The following RP1 variants were observed in gnomAD, a reference collection of about 807,000 sequenced individuals.
RP1 encodes the protein RP1 axonemal microtubule associated, also known as oxygen-regulated protein 1.
A neutral mutation model predicts 14.8 loss-of-function variants in RP1; 16 were observed. The observed-to-expected ratio is 1.08, with a 90% CI of 0.73 to 1.65. RP1 has a LOEUF of 1.65. RP1 is among the 40% of genes most tolerant of loss of function. The pLI, the probability that RP1 is intolerant of heterozygous loss-of-function variation, is 0.00. For synonymous variants in RP1, 876 were observed against 883.6 expected, an observed-to-expected ratio of 0.99 and a Z score of 0.15; for missense variants, 2,631 against 2,535.0, an observed-to-expected ratio of 1.04 and a Z score of -0.81.
rs104894082 is a variant in RP1, at chr8:54,625,911, C to T, written c.2029C>T (p.Arg677Ter). Residue 677 changes from arginine to a stop codon, truncating the protein, a stop_gained, in exon 4 of 4, where the codon CGA becomes TGA. Transcript: ENST00000220676. LOFTEE classifies it low-confidence loss of function (END_TRUNC). ...SVASKKKKKS[R>*]QQAINSRYQD... ...TGCCAGCAAAAAGAAGAAAAAATCTCGACAGCAAGCAATAAATTCCAGGTA... is the reference window on the plus strand; with the variant it reads ...TGCCAGCAAAAAGAAGAAAAAATCTTGACAGCAAGCAATAAATTCCAGGTA... The T allele has an allele frequency of 4.3e-6, 7 of 1,613,730 alleles. No individual in the cohort carries two copies. The highest frequency in any genetic ancestry group is 5.9e-6 in the Non-Finnish European group (7 of 1,179,906).
At chr8:54,690,506 G>C (rs766984028) in intron 12 of RP1, among the ~76,000 whole-genome samples, 4 of 151,882 alleles carry the variant, frequency 2.6e-5, no homozygotes, top group Non-Finnish European at 5.9e-5. Context: ...CTCTAAATTG[G>C]GTATTGTCTG....
At chr8:54,858,609 G>T (rs555142379) in intron 27 of RP1, among the ~76,000 whole-genome samples, 1 of 152,138 alleles carries the variant, frequency 6.6e-6, no homozygotes, top group East Asian at 1.9e-4. Context: ...ACTGCAGAGT[G>T]CTGTGACTGT....
intron 1 of RP1, among the ~76,000 whole-genome samples, chr8:54,569,374 G>T (rs989803154): frequency 2.6e-5 from 4 of 152,168 alleles, no homozygotes; most frequent in African/African-American, 9.7e-5. Context: ...ATTTGATTTT[G>T]GTTCCTCATT....
In RP1 at chr8:54,755,065, A is replaced by G. The variant is rs868319046; in HGVS notation, c.2941+130A>G. On this transcript the variant is annotated intron_variant, in intron 20 of 22. Transcript: ENST00000636932. ...TAAGAGAGTTGTTTTACTCTTGAGAAGTGACTTTTTTAATGTCACAGCATG... is the reference window on the plus strand; with the variant it reads ...TAAGAGAGTTGTTTTACTCTTGAGAGGTGACTTTTTTAATGTCACAGCATG... 15 of 1,022,044 alleles carry G rather than the reference A, an allele frequency of 1.5e-5. No individual in the cohort carries two copies. In the Middle Eastern group the frequency reaches 1.9e-3, roughly 128 times the overall value. 63.3% of individuals were successfully genotyped at this position (1,022,044 alleles called of 1,614,324 possible). A position where few individuals can be genotyped will look rare whatever the true frequency, so the allele number is the denominator to read the frequency against.
intron 3 of RP1, among the ~76,000 whole-genome samples, chr8:54,641,037 C>T (rs143844551): frequency 2.2e-3 from 334 of 151,458 alleles, no homozygotes; most frequent in African/African-American, 7.8e-3. Flanking sequence ...CTCCTCCTCC[C>T]GGGTTCACAC....
Position 54,626,319 on chromosome 8 carries a change from A to G in RP1, c.2437A>G (p.Thr813Ala). 1.2e-6 allele frequency: 2 copies of G among 1,613,482 alleles called. No individual in the cohort carries two copies. The highest frequency in any genetic ancestry group is 1.7e-6 in the Non-Finnish European group (2 of 1,179,726). The change falls in exon 4 of 4, where the codon ACT (threonine) becomes GCT (alanine). Residue 813 changes from threonine to alanine, a missense_variant. Transcript: ENST00000220676. The part of the protein sequence containing the change: ...PHNESKYCKS[T>A]FENKSLFHVF... Reference sequence around the variant, plus strand: ...CAATGAATCTAAATATTGCAAAAGTACTTTTGAAAACAAAAGTTTATTTCA... The same window carrying G: ...CAATGAATCTAAATATTGCAAAAGTGCTTTTGAAAACAAAAGTTTATTTCA...
In RP1 at chr8:54,563,491, G is replaced by A. The variant is rs144937513; in HGVS notation, c.-13+4171G>A. Among the ~76,000 whole-genome samples the A allele has an allele frequency of 5.9e-5, 9 of 152,122 alleles. No individual in the cohort carries two copies. The East Asian group carries it at 1.7e-3, about 29-fold the overall frequency. On this transcript the variant is annotated intron_variant, in intron 1 of 22. Coordinates refer to the RP1 transcript ENST00000636932. ...GATATTTAAGAGTCCAGCACATTTT[G>A]AATGGCTTACAAGTGTCAGCTATTA... is the stretch of plus-strand genomic sequence containing the variant.
At chr8:54,584,892 GTC>G (rs1400588731) in intron 1 of RP1, among the ~76,000 whole-genome samples, 1 of 152,128 alleles carries the variant, frequency 6.6e-6, no homozygotes, top group Non-Finnish European at 1.5e-5. Flanking sequence ...GCCTATGTGT[GTC>G]TCTGCACGTG....
intron 24 of RP1, among the ~76,000 whole-genome samples, chr8:54,809,394 GC>G (rs1482813221): frequency 3.3e-5 from 5 of 152,308 alleles, no homozygotes; most frequent in Admixed American, 3.3e-4. Context: ...TATCAAAATA[GC>G]CTAGTGAGAT....
At chr8:54,701,232 A>T (rs1221810346) in intron 13 of RP1, among the ~76,000 whole-genome samples, 1 of 152,162 alleles carries the variant, frequency 6.6e-6, no homozygotes, top group African/African-American at 2.4e-5. Flanking sequence ...TTATTAAATT[A>T]TCCTGCCAAT....
At position 54,621,284 on chromosome 8, in the gene RP1, T is replaced by C. The variant is rs1214715364; in HGVS notation, c.318T>C (p.Cys106=). 2 of 1,614,006 alleles carry C rather than the reference T, an allele frequency of 1.2e-6. No homozygotes were observed. Among genetic ancestry groups the C allele is most frequent in the Admixed American group, 1.7e-5 (1 of 60,010 alleles). ...TGGAGGACGGCGAGTCCTACCTATG[T>C]TCCCACGGCAGGAAGGTGCAGCCTG... The part of the protein sequence containing the change: ...EELEDGESYL[C]SHGRKVQPVD... The change falls in exon 2 of 4, where the codon TGT becomes TGC. Residue 106 remains cysteine (C), a synonymous_variant. Transcript: ENST00000220676.
chr8:54,566,347 G>C (rs1804405465), intron 1 of RP1, among the ~76,000 whole-genome samples: 1 of 135,378 alleles, frequency 7.4e-6, no homozygotes. Context: ...AGAAGGCAGT[G>C]AGCTGACCCC....
chr8:54,690,321 C>G (rs560126427), intron 12 of RP1, among the ~76,000 whole-genome samples: 2 of 152,108 alleles, frequency 1.3e-5, no homozygotes, highest in African/African-American at 4.8e-5. Flanking sequence ...GTACTTGGTT[C>G]TAATTAAGAA....
chr8:54,651,145 T>A (rs776602269), intron 4 of RP1, among the ~76,000 whole-genome samples: 1 of 152,134 alleles, frequency 6.6e-6, no homozygotes. Flanking sequence ...CTGGGATAAA[T>A]CCTAGTTTAT....
rs765187462 is a variant in RP1, at chr8:54,629,538, A to G, written c.5656A>G (p.Ile1886Val). 1 of 1,614,088 alleles carries G rather than the reference A, an allele frequency of 6.2e-7. No individual in the cohort carries two copies. The highest frequency in any genetic ancestry group is 1.1e-5 in the South Asian group (1 of 91,074). The change falls in exon 4 of 4, where the codon ATT becomes GTT. Residue 1886 changes from isoleucine (I) to valine (V), a missense_variant. Coordinates refer to ENST00000220676, the MANE Select transcript of RP1 (RefSeq NM_006269.2). ...NKVYPVSDDA[I>V]KNQPLPGSNM... is the part of the protein sequence containing the mutation. ...AGTCTACCCTGTCTCTGATGATGCTATTAAAAACCAACCATTGCCTGGCAG... is the reference window on the plus strand; with the variant it reads ...AGTCTACCCTGTCTCTGATGATGCTGTTAAAAACCAACCATTGCCTGGCAG...
At position 54,861,896 on chromosome 8, in the gene RP1, A is replaced by G. The variant is rs114569307; in HGVS notation, c.4070-3939A>G. 7.8e-3 allele frequency among the ~76,000 whole-genome samples: 1,188 copies of G among 152,228 alleles called. 14 individuals are homozygous for G. The highest frequency in any genetic ancestry group is 0.024 in the African/African-American group (1,018 of 41,558). On this transcript the variant is annotated intron_variant, in intron 27 of 28. Transcript: ENST00000637698. ...GGATTACAGGCATGAGCCACTGGGC[A>G]CAGCCTGAAAGAAACTTTGTAATGC...
intron 1 of RP1, among the ~76,000 whole-genome samples, chr8:54,581,673 T>A (rs1220917295): frequency 2.6e-5 from 4 of 152,112 alleles, no homozygotes; most frequent in Non-Finnish European, 5.9e-5. Flanking sequence ...ACCTGTTGTT[T>A]CCTGACTTTT....
intron 6 of RP1, among the ~76,000 whole-genome samples, chr8:54,661,237 T>A (rs1806885909): frequency 7.2e-6 from 1 of 138,606 alleles, no homozygotes; most frequent in Non-Finnish European, 1.5e-5. Flanking sequence ...ATATATATAA[T>A]ATATACATAA....
At chr8:54,856,890 C>T (rs1005954447) in intron 26 of RP1, 12 of 336,542 alleles carry the variant, frequency 3.6e-5, no homozygotes, top group Non-Finnish European at 5.3e-5. Context: ...GAACTTTGCA[C>T]ATAAAATAGT....
Sources: gnomAD v4.1 joint callset for allele counts (sites outside exome capture counted in the v4.1 genomes callset) on GRCh38, gnomAD v4.1.1 for gene constraint, MANE v1.5 for transcripts, NCBI Gene and HGNC (gene_info 2026-07-23, HGNC 2026-07-21) for gene names.